Variants in WAC observed in about 807,000 individuals in gnomAD.
The protein encoded by WAC is WW domain containing adaptor with coiled-coil.
A neutral mutation model predicts 79.6 loss-of-function variants in WAC; 11 were observed. The observed-to-expected ratio is 0.14, with a 90% confidence interval of 0.09 to 0.23. The LOEUF is 0.23. WAC is among the 10% of genes least tolerant of loss of function. The pLI is 1.00. For missense variants in WAC, 728 were observed against 773.5 expected, an observed-to-expected ratio of 0.94 and a Z score of 0.70; for synonymous variants, 304 against 276.9, an observed-to-expected ratio of 1.10 and a Z score of -0.97.
At chr10:28,614,132 G>A (rs1314224102) in intron 10 of WAC, among the ~76,000 whole-genome samples, 1 of 151,694 alleles carries the variant, frequency 6.6e-6, no homozygotes, top group African/African-American at 2.4e-5. Context: ...TTGAGACGGA[G>A]TCTCGTTCTG....
intron 7 of WAC, among the ~76,000 whole-genome samples, chr10:28,603,597 T>C (rs970151691): frequency 1.3e-5 from 2 of 151,994 alleles, no homozygotes; most frequent in African/African-American, 2.4e-5. Context: ...CCTAACAAAT[T>C]AGACAAAAAG....
At chr10:28,584,772 T>C (rs1227612211) in intron 4 of WAC, among the ~76,000 whole-genome samples, 1 of 152,188 alleles carries the variant, frequency 6.6e-6, no homozygotes, top group East Asian at 1.9e-4. Flanking sequence ...TGGATAAAAA[T>C]AGATAGTATT....
chr10:28,576,430 G>C (rs941035587), intron 3 of WAC, among the ~76,000 whole-genome samples: 1 of 152,184 alleles, frequency 6.6e-6, no homozygotes. Flanking sequence ...ATTTGTTTGT[G>C]ACAGATATAA....
At chr10:28,571,132 G>C (rs1838938513) in intron 3 of WAC, among the ~76,000 whole-genome samples, 1 of 151,288 alleles carries the variant, frequency 6.6e-6, no homozygotes, top group Non-Finnish European at 1.5e-5. Context: ...GTTTCGCCAT[G>C]TTGGCCAGGC....
intron 3 of WAC, among the ~76,000 whole-genome samples, chr10:28,566,808 T>C (rs905387863): frequency 1.3e-5 from 2 of 152,228 alleles, no homozygotes; most frequent in African/African-American, 4.8e-5. Flanking sequence ...ATTCAGCAGC[T>C]CCACCAGGAT....
chr10:28,585,544 CTTT>C (rs112475517), intron 4 of WAC, among the ~76,000 whole-genome samples: 1 of 141,268 alleles, frequency 7.1e-6, no homozygotes, highest in Non-Finnish European at 1.6e-5. Flanking sequence ...TTTTTCCTTT[CTTT>C]TTTTTTTTTT....
intron 6 of WAC, 185 bp downstream of exon 6, chr10:28,591,017 C>A (rs1052577697): frequency 3.5e-6 from 2 of 567,400 alleles, no homozygotes; most frequent in Admixed American, 6.6e-5. Flanking sequence ...GATACACGGT[C>A]GAGTAGTACA....
Position 28,590,815 on chromosome 10 carries a change from G to C in WAC, c.593G>C (p.Ser198Thr). The change falls in exon 6 of 14, where the codon AGT becomes ACT. Residue 198 changes from serine (S) to threonine (T), a missense_variant. Physicochemically the swap from Ser to Thr is moderately conservative, Grantham distance 58. Around this residue, in one of 3 missense-constraint regions of WAC, gnomAD observed 648 missense variants for 661.5 expected, o/e 0.98. Transcript: ENST00000354911. ...GAGGTGATGCAAGCAACAGCCACTA[G>C]TGGGTTTGCCAGTGGAAGTAAGTAT... ...RREVMQATAT[S>T]GFASGMEDKH... 3 of 1,610,474 alleles carry C rather than the reference G, an allele frequency of 1.9e-6. No homozygotes were observed. Among genetic ancestry groups the C allele is most frequent in the Non-Finnish European group, 2.5e-6 (3 of 1,179,100 alleles).
intron 3 of WAC, among the ~76,000 whole-genome samples, chr10:28,552,845 CTTTTTTTTTTT>C (rs3029447): frequency 7.1e-5 from 6 of 84,354 alleles, no homozygotes; most frequent in East Asian, 4.4e-4. Flanking sequence ...CACTTGGCTG[CTTTTTTTTTTT>C]TTTTTTTTTT....
At chr10:28,608,829 T>C (rs1841085993) in intron 8 of WAC, among the ~76,000 whole-genome samples, 1 of 152,186 alleles carries the variant, frequency 6.6e-6, no homozygotes. Flanking sequence ...ATATTTAAAA[T>C]ATGCTAATTA....
intron 3 of WAC, among the ~76,000 whole-genome samples, chr10:28,540,423 C>T (rs1437477598): frequency 6.6e-6 from 1 of 152,172 alleles, no homozygotes. Flanking sequence ...AATATCTTCA[C>T]CCTTCTTCCC....
intron 3 of WAC, among the ~76,000 whole-genome samples, chr10:28,544,802 G>A (rs756530043): frequency 2.6e-5 from 4 of 152,042 alleles, no homozygotes; most frequent in South Asian, 2.1e-4. Context: ...GGTGGCTCAC[G>A]CCTGTAATGC....
intron 4 of WAC, chr10:28,588,685 A>G (rs1356714832): frequency 6.6e-6 from 1 of 152,184 alleles, no homozygotes; most frequent in African/African-American, 2.4e-5. Context: ...ATGATAGTAT[A>G]GTACATTATT....
chr10:28,600,207 A>G (rs1054224140), intron 7 of WAC, among the ~76,000 whole-genome samples: 6 of 139,998 alleles, frequency 4.3e-5, no homozygotes, highest in South Asian at 2.5e-4. Flanking sequence ...TCTCCGTATG[A>G]ACATGTGTAA....
At chr10:28,614,441 G>T in intron 10 of WAC, 126 bp from the exon 11 acceptor site, 2 of 731,318 alleles carry the variant, frequency 2.7e-6, no homozygotes, top group South Asian at 1.7e-5. Flanking sequence ...TTTTCACAAA[G>T]AAATGAGATC....
At chr10:28,547,406 G>A (rs1837411597) in intron 3 of WAC, among the ~76,000 whole-genome samples, 1 of 152,000 alleles carries the variant, frequency 6.6e-6, no homozygotes, top group African/African-American at 2.4e-5. Context: ...GTGGTGGCAT[G>A]TGCCTGTAAT....
intron 3 of WAC, among the ~76,000 whole-genome samples, chr10:28,544,612 C>A (rs1282381519): frequency 1.3e-5 from 2 of 152,196 alleles, no homozygotes; most frequent in Non-Finnish European, 2.9e-5. Flanking sequence ...TCTAAAGCTG[C>A]TGCTGCTTTC....
intron 3 of WAC, among the ~76,000 whole-genome samples, chr10:28,542,669 G>A (rs930515516): frequency 2.6e-5 from 4 of 152,176 alleles, no homozygotes; most frequent in Non-Finnish European, 2.9e-5. Flanking sequence ...ATCAAATGTG[G>A]ATGGACCTGA....
Position 28,623,025 on chromosome 10 carries a change from T to C in WAC, c.*3419T>C, listed in dbSNP as rs889333306. 2.0e-5 allele frequency: 3 copies of C among 152,232 alleles called. No individual in the cohort carries two copies. The highest frequency in any genetic ancestry group is 7.2e-5 in the African/African-American group (3 of 41,458). 9.4% of individuals were successfully genotyped at this position (152,232 alleles called of 1,614,324 possible). A position where few individuals can be genotyped will look rare whatever the true frequency, so the allele number is the denominator to read the frequency against. ...ATGTTTTGACTATATTGTGCAGTTA[T>C]TTCAGAACTGTGTTTTGAAAGTCTT... On this transcript the variant is annotated 3_prime_UTR_variant, in exon 14 of 14. Transcript: ENST00000354911.
Sources: allele counts gnomAD v4.1 joint callset (sites outside exome capture counted in the v4.1 genomes callset), GRCh38; gene constraint gnomAD v4.1.1; regional missense constraint gnomAD v4.1.1; transcripts MANE v1.5; gene names NCBI Gene and HGNC (gene_info 2026-07-23, HGNC 2026-07-21).